TMEM200C: variants seen among roughly 807,000 people sequenced by gnomAD.
TMEM200C encodes the protein transmembrane protein TTMA.
For synonymous variants in TMEM200C, 462 were observed against 324.7 expected (o/e 1.42, Z -4.55); for missense variants, 966 against 699.9 (o/e 1.38, Z -4.29).
chr18:5,890,449 G>T (rs1243127201), exon 3 of TMEM200C: 3 of 1,581,334 alleles, frequency 1.9e-6, no homozygotes, highest in Non-Finnish European at 2.6e-6. Flanking sequence ...TCCCGCAGGG[G>T]TGTGTAGCCC....
At chr18:5,886,230 A>G (rs893319510) in exon 3 of TMEM200C, 10 of 152,190 alleles carry the variant, frequency 6.6e-5, no homozygotes, top group African/African-American at 2.4e-4. Flanking sequence ...TAGACAATTT[A>G]AATAACTCAA....
chr18:5,884,034 T>C (rs569673064), exon 3 of TMEM200C: 1 of 152,282 alleles, frequency 6.6e-6, no homozygotes, highest in Admixed American at 6.5e-5. Context: ...CAGTTAAAAA[T>C]GAATCATTAA....
chr18:5,894,274 T>A (rs1395433612), intron 2 of TMEM200C, among the ~76,000 whole-genome samples: 2 of 152,190 alleles, frequency 1.3e-5, no homozygotes, highest in Non-Finnish European at 2.9e-5. Context: ...ATTTCAACAG[T>A]CCTTTACCGC....
chr18:5,882,236 A>T (rs2095162296), exon 3 of TMEM200C: 1 of 151,826 alleles, frequency 6.6e-6, no homozygotes, highest in South Asian at 2.1e-4. Context: ...TCCTTTTTAT[A>T]TCCCTTTATT....
exon 3 of TMEM200C, chr18:5,890,499 G>T: frequency 6.5e-7 from 1 of 1,544,590 alleles, no homozygotes; most frequent in African/African-American, 1.4e-5. Context: ...GGAGCTCCCG[G>T]AGTCCCGCCT....
chr18:5,892,693 A>G (rs2095172468), intron 2 of TMEM200C, among the ~76,000 whole-genome samples: 1 of 152,260 alleles, frequency 6.6e-6, no homozygotes, highest in Non-Finnish European at 1.5e-5. Context: ...TTACTACTGT[A>G]TAAAGACAAA....
chr18:5,890,625 G>A (rs942106264), exon 3 of TMEM200C: 28 of 948,146 alleles, frequency 3.0e-5, no homozygotes, highest in Non-Finnish European at 3.6e-5. Flanking sequence ...GGACGGCGGC[G>A]CCCGGTAGTC....
chr18:5,889,602 G>C (rs145581452), exon 3 of TMEM200C: 1 of 152,116 alleles, frequency 6.6e-6, no homozygotes, highest in African/African-American at 2.4e-5. Flanking sequence ...GTACACACCC[G>C]TTTAAAAATG....
At chr18:5,890,357 A>G in exon 3 of TMEM200C, 1 of 1,596,600 alleles carries the variant, frequency 6.3e-7, no homozygotes, top group Non-Finnish European at 8.6e-7. Context: ...TCTGCTCCGC[A>G]CCCAGAACGG....
rs1226662570 is a variant in TMEM200C, at chr18:5,890,281, A to G, written c.1783T>C (p.Phe595Leu). 3.1e-6 allele frequency: 5 copies of G among 1,596,254 alleles called. No individual in the cohort carries two copies. In the South Asian group the frequency reaches 4.6e-5, roughly 15 times the overall value. Residue 595 changes from phenylalanine (F) to leucine (L), a missense_variant, in exon 3 of 3, where the codon TTT (phenylalanine) becomes CTT (leucine). Coordinates refer to ENST00000581347, the Ensembl canonical transcript of TMEM200C. ...ATGATGAGTTTCTCCTTGTTTGTAAACTGCCTCTGCACCGGCTGAGGTTGC... is the reference window on the plus strand; with the variant it reads ...ATGATGAGTTTCTCCTTGTTTGTAAGCTGCCTCTGCACCGGCTGAGGTTGC...
At chr18:5,884,572 A>C (rs1288324394) in exon 3 of TMEM200C, 1 of 152,186 alleles carries the variant, frequency 6.6e-6, no homozygotes, top group Non-Finnish European at 1.5e-5. Flanking sequence ...TGATAGGCAG[A>C]GTATAATATA....
chr18:5,890,184 A>G, exon 3 of TMEM200C: 1 of 1,515,614 alleles, frequency 6.6e-7, no homozygotes, highest in African/African-American at 1.4e-5. Context: ...CTCCTCCCCA[A>G]CCCACCCCTT....
At chr18:5,895,187 G>A (rs1430286590) in exon 2 of TMEM200C, 1 of 151,948 alleles carries the variant, frequency 6.6e-6, no homozygotes, top group African/African-American at 2.4e-5. Flanking sequence ...GCGGGGGCGA[G>A]CGCCCGCCCC....
chr18:5,891,648 G>A lies in TMEM200C; in HGVS notation c.416C>T (p.Ala139Val). ...CGTGGAGGAGGAGGACGGGGAGGCGGCTCGTGCTGGAGGCGTGCTCCTGGG... is the reference window on the plus strand; with the variant it reads ...CGTGGAGGAGGAGGACGGGGAGGCGACTCGTGCTGGAGGCGTGCTCCTGGG... The change falls in exon 3 of 3, where the codon GCC becomes GTC. Residue 139 changes from alanine to valine, a missense_variant. Physicochemically the swap from Ala to Val is moderately conservative, Grantham distance 64. Transcript: ENST00000581347. This position sits in a 1 kb window ranked among gnomAD's most constrained non-coding sequence, Gnocchi z 4.7. 1 of 1,613,834 alleles carries A rather than the reference G, an allele frequency of 6.2e-7. No homozygotes were observed. Among genetic ancestry groups the A allele is most frequent in the East Asian group, 2.2e-5 (1 of 44,820 alleles).
chr18:5,887,904 A>C (rs976087349), exon 3 of TMEM200C: 9 of 152,216 alleles, frequency 5.9e-5, no homozygotes, highest in Non-Finnish European at 8.8e-5. Context: ...TAAATTGTTC[A>C]ATGGTTAAGT....
chr18:5,890,609 C>G, exon 3 of TMEM200C: 1 of 1,121,620 alleles, frequency 8.9e-7, no homozygotes, highest in Non-Finnish European at 1.1e-6. Context: ...AGGGCGGGGG[C>G]TCGGGGGACG....
At position 5,891,409 on chromosome 18, in the gene TMEM200C, C is replaced by T. The variant is rs1182460720; in HGVS notation, c.655G>A (p.Ala219Thr). 4 of 1,454,406 alleles carry T rather than the reference C, an allele frequency of 2.8e-6. No homozygotes were observed. Among genetic ancestry groups the T allele is most frequent in the Non-Finnish European group, 3.6e-6 (4 of 1,102,266 alleles). 90.1% of individuals were successfully genotyped at this position (1,454,406 alleles called of 1,614,324 possible). A position where few individuals can be genotyped will look rare whatever the true frequency, so the allele number is the denominator to read the frequency against. ...GCCGCGGCGGCGGCCGCGGCGGCCG[C>T]CAGGTCTTTGGCGCGGAGGCTGTGC... Residue 219 changes from alanine (A) to threonine (T), a missense_variant, in exon 3 of 3, where the codon GCG becomes ACG. Transcript: ENST00000581347. This position sits in a 1 kb window ranked among gnomAD's most constrained non-coding sequence, Gnocchi z 4.7.
In TMEM200C at chr18:5,891,117, G is replaced by C. The variant is rs925545905; in HGVS notation, c.947C>G (p.Pro316Arg). 9 of 496,748 alleles carry C rather than the reference G, an allele frequency of 1.8e-5. No individual in the cohort carries two copies. Among genetic ancestry groups the C allele is most frequent in the Middle Eastern group, 1.0e-3 (2 of 1,908 alleles). 30.8% of individuals were successfully genotyped at this position (496,748 alleles called of 1,614,324 possible). ...GCTGTACACGGCCTCGGCCAGGCTC[G>C]GGGGCTCCCGCGGACAGCGCGGGGA... The change falls in exon 3 of 3, where the codon CCG becomes CGG. Residue 316 changes from proline to arginine, a missense_variant. Physicochemically the swap from Pro to Arg is moderately radical, Grantham distance 103 (BLOSUM62 -2). Transcript: ENST00000581347. The surrounding 1 kb of genome is among the most constrained non-coding windows in gnomAD (Gnocchi z 4.7).
At chr18:5,887,955 A>G (rs577005618) in exon 3 of TMEM200C, 1 of 152,342 alleles carries the variant, frequency 6.6e-6, no homozygotes, top group South Asian at 2.1e-4. Context: ...TGAGATATAA[A>G]CAGTATTCTG....
Sources: gnomAD v4.1 joint callset for allele counts (sites outside exome capture counted in the v4.1 genomes callset) on GRCh38, gnomAD v4.1.1 for gene constraint, Gnocchi (gnomAD v3.1) non-coding constraint, MANE v1.5 for transcripts, NCBI Gene and HGNC (gene_info 2026-07-23, HGNC 2026-07-21) for gene names.